Variants in PTPN22 observed in about 807,000 individuals in gnomAD.
PTPN22 encodes the protein tyrosine-protein phosphatase non-receptor type 22.
Under a neutral mutation model 103.3 loss-of-function variants are expected in PTPN22, and 85 were observed. That is an observed-to-expected ratio of 0.82 (90% confidence interval 0.69 to 0.99). The LOEUF is 0.99. Ranked by LOEUF, PTPN22 falls within the 50% of genes least tolerant of loss-of-function variation. The pLI, the probability that PTPN22 is intolerant of heterozygous loss-of-function variation, is 0.00. For missense variants in PTPN22, 865 were observed against 936.9 expected, an observed-to-expected ratio of 0.92 and a Z score of 1.00; for synonymous variants, 323 against 310.2, an observed-to-expected ratio of 1.04 and a Z score of -0.43.
intron 1 of PTPN22, among the ~76,000 whole-genome samples, chr1:113,860,833 T>G (rs1028829070): frequency 6.6e-6 from 1 of 152,252 alleles, no homozygotes; most frequent in African/African-American, 2.4e-5. Context: ...CTTGTTATAC[T>G]GTTTTTATTT....
At position 113,837,575 on chromosome 1, in the gene PTPN22, T is replaced by TA. The variant is rs769915758; in HGVS notation, c.1810+14dup. The TA allele has an allele frequency of 1.3e-6, 2 of 1,496,836 alleles. No individual in the cohort carries two copies. Among genetic ancestry groups the TA allele is most frequent in the Non-Finnish European group, 1.8e-6 (2 of 1,097,970 alleles). The allele number at this position is 1,496,836 out of a possible 1,614,324, so 92.7% of individuals were successfully genotyped here. A position where few individuals can be genotyped will look rare whatever the true frequency, so the allele number is the denominator to read the frequency against. On this transcript the variant is annotated intron_variant, in intron 13 of 20. Coordinates refer to ENST00000359785, the Ensembl canonical transcript of PTPN22. The stretch of plus-strand genomic sequence containing the variant: ...GAAATCTAAAATTCTATGCAAACTT[T>TA]AAAAAATAACTTACCTAGTACAGCT...
intron 11 of PTPN22, among the ~76,000 whole-genome samples, chr1:113,842,499 C>A (rs1001215620): frequency 4.6e-5 from 7 of 151,666 alleles, no homozygotes; most frequent in Admixed American, 3.9e-4. Context: ...CATGGTGAAA[C>A]CCCATCTCTA....
At chr1:113,818,775 G>A (rs1404211759) in intron 20 of PTPN22, among the ~76,000 whole-genome samples, 1 of 152,174 alleles carries the variant, frequency 6.6e-6, no homozygotes, top group Non-Finnish European at 1.5e-5. Flanking sequence ...CCATTTCCAG[G>A]CCAGTGCCTT....
rs569738184 is a variant in PTPN22, at chr1:113,871,477, C to G, written c.87+60G>C. ...GCAATTTGGTCTCGGAAAATTGGAC[C>G]CCCATAGTCAGTTAAATAGTGTATG... On this transcript the variant is annotated intron_variant, in intron 1 of 20. Transcript: ENST00000359785. The G allele has an allele frequency of 9.4e-5, 131 of 1,390,116 alleles. 2 individuals carry two copies. The highest frequency in any genetic ancestry group is 1.8e-4 in the South Asian group (14 of 79,754). 86.1% of individuals were successfully genotyped at this position (1,390,116 alleles called of 1,614,324 possible).
chr1:113,858,646 T>C, intron 3 of PTPN22, 73 bp from the exon 4 acceptor site: 3 of 794,192 alleles, frequency 3.8e-6, no homozygotes, highest in Non-Finnish European at 5.5e-6. Context: ...CCGCTTCCTT[T>C]TTTTTTTTTT....
intron 1 of PTPN22, among the ~76,000 whole-genome samples, chr1:113,860,394 T>C (rs1449836849): frequency 6.6e-6 from 1 of 152,258 alleles, no homozygotes; most frequent in Admixed American, 6.5e-5. Flanking sequence ...GATTTGGTAC[T>C]ATCTGCAGTT....
At chr1:113,871,506 C>T (rs1298277033) in intron 1 of PTPN22, 31 bp downstream of exon 1, 1 of 1,590,746 alleles carries the variant, frequency 6.3e-7, no homozygotes, top group East Asian at 2.2e-5. Context: ...GTGTATGTAA[C>T]TACCCTGAGA....
At chr1:113,856,658 T>C in intron 5 of PTPN22, 39 bp from the exon 6 acceptor site, 1 of 1,613,726 alleles carries the variant, frequency 6.2e-7, no homozygotes, top group Non-Finnish European at 8.5e-7. Context: ...TCCCTCCATA[T>C]ATTCTAGTCT....
intron 19 of PTPN22, among the ~76,000 whole-genome samples, chr1:113,821,452 C>G (rs1203010878): frequency 2.0e-5 from 3 of 151,972 alleles, no homozygotes; most frequent in African/African-American, 7.3e-5. Flanking sequence ...CTCCCGAGGA[C>G]CTGGGACTAC....
At chr1:113,864,332 G>C in intron 1 of PTPN22, 3 of 435,176 alleles carry the variant, frequency 6.9e-6, no homozygotes, top group Admixed American at 2.5e-5. Context: ...CAAGTCTGCA[G>C]TGAGCTATGA....
intron 11 of PTPN22, among the ~76,000 whole-genome samples, chr1:113,843,409 G>A (rs1318328593): frequency 2.6e-5 from 4 of 152,014 alleles, no homozygotes; most frequent in Non-Finnish European, 4.4e-5. Context: ...AGGACATTAC[G>A]CTAAGTGAAA....
chr1:113,833,264 A>G, intron 15 of PTPN22, 126 bp from the exon 16 acceptor site: 1 of 643,448 alleles, frequency 1.6e-6, no homozygotes, highest in South Asian at 2.0e-5. Flanking sequence ...TGAAATGTAG[A>G]CCCTATTTTT....
At chr1:113,836,713 A>C (rs1245191739) in intron 13 of PTPN22, among the ~76,000 whole-genome samples, 2 of 151,504 alleles carry the variant, frequency 1.3e-5, no homozygotes, top group African/African-American at 2.4e-5. Context: ...GGATTGCTTG[A>C]GGCCAGATTT....
At chr1:113,856,740 T>C in intron 5 of PTPN22, 121 bp from the exon 6 acceptor site, 1 of 1,298,128 alleles carries the variant, frequency 7.7e-7, no homozygotes, top group Non-Finnish European at 1.1e-6. Context: ...TCTAACCCCT[T>C]TGGGCTTCAA....
chr1:113,858,256 C>T (rs913556036), intron 4 of PTPN22, among the ~76,000 whole-genome samples: 1 of 151,992 alleles, frequency 6.6e-6, no homozygotes. Context: ...CAGGGTTTTG[C>T]AATGTTGCCC....
At chr1:113,844,297 T>C (rs1196473661) in intron 11 of PTPN22, among the ~76,000 whole-genome samples, 1 of 152,030 alleles carries the variant, frequency 6.6e-6, no homozygotes, top group Non-Finnish European at 1.5e-5. Context: ...TCTACAAAAA[T>C]AGAAAAATTA....
intron 1 of PTPN22, 132 bp from the exon 2 acceptor site, chr1:113,859,592 G>A (rs1019044916): frequency 2.3e-5 from 16 of 704,068 alleles, no homozygotes; most frequent in South Asian, 9.0e-5. Context: ...TTCTGACTCC[G>A]TTCAGGACAG....
intron 14 of PTPN22, 98 bp from the exon 15 acceptor site, chr1:113,834,537 G>A (rs1200692913): frequency 6.3e-6 from 8 of 1,267,280 alleles, no homozygotes; most frequent in Non-Finnish European, 7.9e-6. Context: ...GAAAGGACCT[G>A]AGAAGTAATC....
chr1:113,825,842 T>G lies in PTPN22; in HGVS notation c.2251-670A>C, dbSNP rs145175116. ...GATCCTTCTGCCTCAGCCTCCTGAG[T>G]AGCTGGGACTACAGGCACCTGCTAC... On this transcript the variant is annotated intron_variant, in intron 18 of 20. Coordinates refer to ENST00000359785, the Ensembl canonical transcript of PTPN22. Among the ~76,000 whole-genome samples the G allele has an allele frequency of 2.3e-3, 349 of 152,062 alleles. 4 individuals carry two copies. Among genetic ancestry groups the G allele is most frequent in the African/African-American group, 8.1e-3 (334 of 41,486 alleles).
Sources: allele counts gnomAD v4.1 joint callset (sites outside exome capture counted in the v4.1 genomes callset), GRCh38; gene constraint gnomAD v4.1.1; transcripts MANE v1.5; gene names NCBI Gene and HGNC (gene_info 2026-07-23, HGNC 2026-07-21).